The following ACYP2 variants were observed in gnomAD, a reference collection of about 807,000 sequenced individuals.
ACYP2 encodes acylphosphatase-2.
ACYP2 carries 12 observed loss-of-function variants against 11.2 expected under a neutral mutation model. The ratio of observed to expected loss-of-function variants is 1.08; its 90% CI spans 0.69 to 1.74. ACYP2 has a LOEUF of 1.74. Ranked by LOEUF, ACYP2 falls within the 40% of genes most tolerant of loss-of-function variation. The pLI, the probability that ACYP2 is intolerant of heterozygous loss-of-function variation, is 0.00. For synonymous variants in ACYP2, 43 were observed against 32.2 expected, an observed-to-expected ratio of 1.33 and a Z score of -1.13; for missense variants, 134 against 101.9, an observed-to-expected ratio of 1.31 and a Z score of -1.35.
chr2:54,134,408 A>G (rs1169195808), intron 4 of ACYP2, among the ~76,000 whole-genome samples: 1 of 152,222 alleles, frequency 6.6e-6, no homozygotes, highest in African/African-American at 2.4e-5. Flanking sequence ...CTATAACTAG[A>G]AATAAAATAC....
chr2:54,262,679 CT>C (rs1553402477), intron 6 of ACYP2, among the ~76,000 whole-genome samples: 2 of 48,942 alleles, frequency 4.1e-5, no homozygotes, highest in African/African-American at 1.9e-4. Context: ...CTATTATTTT[CT>C]TGAGTTGTCA....
intron 6 of ACYP2, among the ~76,000 whole-genome samples, chr2:54,214,704 G>C (rs1685485785): frequency 6.6e-6 from 1 of 151,820 alleles, no homozygotes. Context: ...TTCTGTTTTT[G>C]TTTTCTGCTT....
At chr2:54,204,374 C>T (rs1430934856) in intron 6 of ACYP2, among the ~76,000 whole-genome samples, 4 of 151,018 alleles carry the variant, frequency 2.6e-5, no homozygotes, top group African/African-American at 4.9e-5. Flanking sequence ...TGTGGCCCAA[C>T]GCAATTTTTC....
chr2:54,154,506 C>T (rs113243354), intron 6 of ACYP2, among the ~76,000 whole-genome samples: 2 of 152,090 alleles, frequency 1.3e-5, no homozygotes, highest in African/African-American at 4.8e-5. Context: ...TTATCAGATG[C>T]CTTTTCTGCA....
chr2:53,973,905 ATATT>A (rs1391714849), intron 2 of ACYP2: 20 of 78,666 alleles, frequency 2.5e-4, no homozygotes, highest in Non-Finnish European at 4.3e-4. Flanking sequence ...GTGTGTGTAT[ATATT>A]TTTTTTTTTT....
At chr2:54,235,289 T>C (rs1015909808) in intron 6 of ACYP2, among the ~76,000 whole-genome samples, 2 of 150,592 alleles carry the variant, frequency 1.3e-5, no homozygotes, top group African/African-American at 2.4e-5. Context: ...TTTTTTTTTT[T>C]AATTAAGTTT....
chr2:54,281,870 T>C (rs1330978544), intron 6 of ACYP2, among the ~76,000 whole-genome samples: 1 of 152,236 alleles, frequency 6.6e-6, no homozygotes, highest in Non-Finnish European at 1.5e-5. Flanking sequence ...ATTATAAAAA[T>C]AGTAATTATA....
intron 4 of ACYP2, among the ~76,000 whole-genome samples, chr2:54,088,794 T>A (rs925224108): frequency 1.3e-5 from 2 of 152,342 alleles, no homozygotes; most frequent in East Asian, 3.8e-4. Context: ...TCATTTCAGA[T>A]TGGGGAAAGG....
intron 6 of ACYP2, among the ~76,000 whole-genome samples, chr2:54,172,104 C>G (rs920550740): frequency 1.3e-5 from 2 of 152,076 alleles, no homozygotes; most frequent in Non-Finnish European, 2.9e-5. Context: ...GTAGTCTCAG[C>G]TACTCAGGAG....
At chr2:54,294,212 G>C (rs1176858041) in intron 6 of ACYP2, among the ~76,000 whole-genome samples, 3 of 152,132 alleles carry the variant, frequency 2.0e-5, no homozygotes, top group Admixed American at 1.3e-4. Flanking sequence ...CTCTGTTTCA[G>C]ACAAGGATAT....
At chr2:54,228,047 T>A (rs1460675220) in intron 6 of ACYP2, among the ~76,000 whole-genome samples, 1 of 152,256 alleles carries the variant, frequency 6.6e-6, no homozygotes, top group Non-Finnish European at 1.5e-5. Flanking sequence ...ATGAACAGGT[T>A]CAGGCTGGCT....
intron 6 of ACYP2, among the ~76,000 whole-genome samples, chr2:54,160,881 G>C (rs1333570497): frequency 1.3e-5 from 2 of 152,174 alleles, no homozygotes; most frequent in East Asian, 1.9e-4. Context: ...GAATCAAGGA[G>C]ATTAATTAAC....
At chr2:54,133,206 C>G (rs1427077003) in intron 4 of ACYP2, among the ~76,000 whole-genome samples, 1 of 152,188 alleles carries the variant, frequency 6.6e-6, no homozygotes, top group East Asian at 1.9e-4. Context: ...TATAGTTTGC[C>G]TTTTCCAGAA....
intron 4 of ACYP2, among the ~76,000 whole-genome samples, chr2:54,116,305 G>C (rs747035517): frequency 8.5e-5 from 13 of 152,062 alleles, no homozygotes; most frequent in African/African-American, 1.2e-4. Flanking sequence ...TGAAAATATT[G>C]ATATTTATAA....
At chr2:54,234,621 G>A (rs1235267564) in intron 6 of ACYP2, among the ~76,000 whole-genome samples, 3 of 152,140 alleles carry the variant, frequency 2.0e-5, no homozygotes, top group Admixed American at 1.3e-4. Flanking sequence ...AGATGTCTGT[G>A]GTGTTGGCTG....
intron 6 of ACYP2, among the ~76,000 whole-genome samples, chr2:54,146,529 C>T (rs151275134): frequency 0.023 from 3,492 of 151,998 alleles, 126 homozygotes; most frequent in African/African-American, 0.075. Flanking sequence ...CCTGCCATGG[C>T]CTCCCAAAGT....
chr2:54,127,843 A>T (rs1003650410), intron 4 of ACYP2, among the ~76,000 whole-genome samples: 3 of 152,070 alleles, frequency 2.0e-5, no homozygotes, highest in African/African-American at 2.4e-5. Flanking sequence ...TGAAGTTTTC[A>T]TCATTGCCAT....
intron 2 of ACYP2, among the ~76,000 whole-genome samples, chr2:54,025,175 G>A (rs1183026179): frequency 6.6e-6 from 1 of 152,044 alleles, no homozygotes; most frequent in Non-Finnish European, 1.5e-5. Context: ...ACTGTCAAAA[G>A]CAATCTACAA....
chr2:53,995,443 GAC>G (rs1024463445), intron 2 of ACYP2, among the ~76,000 whole-genome samples: 1 of 151,094 alleles, frequency 6.6e-6, no homozygotes, highest in African/African-American at 2.4e-5. Context: ...TTTAATTCTA[GAC>G]ACAATTAATT....
Sources: allele counts gnomAD v4.1 joint callset (sites outside exome capture counted in the v4.1 genomes callset), GRCh38; gene constraint gnomAD v4.1.1; transcripts MANE v1.5; gene names NCBI Gene and HGNC (gene_info 2026-07-23, HGNC 2026-07-21).